Variants in TCF20 observed in about 807,000 individuals in gnomAD.
TCF20 encodes the protein transcription factor 20.
A neutral mutation model predicts 148.6 loss-of-function variants in TCF20; 3 were observed. That is an observed-to-expected ratio of 0.02 (90% CI 0.01 to 0.05). The LOEUF (loss-of-function observed/expected upper bound fraction) is 0.05. Ranked by LOEUF, TCF20 falls within the 10% of genes least tolerant of loss-of-function variation. TCF20 has a pLI of 1.00. For missense variants in TCF20, 2,350 were observed against 2,429.3 expected (o/e 0.97, Z 0.69); for synonymous variants, 1,049 against 909.5 (o/e 1.15, Z -2.76).
At chr22:42,195,500 CTTTTT>C (rs897311922) in intron 2 of TCF20, among the ~76,000 whole-genome samples, 2 of 141,688 alleles carry the variant, frequency 1.4e-5, no homozygotes, top group Admixed American at 7.1e-5. Context: ...ATATTACATA[CTTTTT>C]TTTTTTTTTT....
intron 2 of TCF20, among the ~76,000 whole-genome samples, chr22:42,201,932 CTTT>C (rs941724081): frequency 1.3e-5 from 2 of 152,088 alleles, no homozygotes; most frequent in African/African-American, 4.8e-5. Flanking sequence ...TGCCTTCTGT[CTTT>C]TGAGAGATAT....
intron 1 of TCF20, among the ~76,000 whole-genome samples, chr22:42,217,248 G>A (rs964785841): frequency 1.3e-5 from 2 of 152,058 alleles, no homozygotes; most frequent in Non-Finnish European, 2.9e-5. Context: ...CCTTGTTCCT[G>A]GAACAGGCCT....
upstream of TCF20, among the ~76,000 whole-genome samples, chr22:42,272,386 T>C (rs972885792): frequency 3.3e-5 from 5 of 152,210 alleles, no homozygotes; most frequent in Admixed American, 1.3e-4. Flanking sequence ...CTTAATTTCT[T>C]GAGAGAATTC....
intron 1 of TCF20, among the ~76,000 whole-genome samples, chr22:42,227,418 T>G (rs1367337319): frequency 6.6e-6 from 1 of 152,222 alleles, no homozygotes; most frequent in Non-Finnish European, 1.5e-5. Context: ...CTGACCCCTT[T>G]GAGAGCAGGC....
At chr22:42,287,767 G>A (rs148382474), upstream of TCF20, among the ~76,000 whole-genome samples, 37 of 152,076 alleles carry the variant, frequency 2.4e-4, no homozygotes, top group Middle Eastern at 6.8e-3. Context: ...TTCAAAGGCC[G>A]TTACATTGCT....
chr22:42,221,218 G>A (rs539274161), intron 1 of TCF20, among the ~76,000 whole-genome samples: 4 of 152,248 alleles, frequency 2.6e-5, no homozygotes, highest in South Asian at 2.1e-4. Context: ...GATTCATAGC[G>A]GCTTCCCCAT....
Position 42,209,499 on chromosome 22 carries a change from C to T in TCF20, c.5655+152G>A, listed in dbSNP as rs371604007. 2 of 896,294 alleles carry T rather than the reference C, an allele frequency of 2.2e-6. 1 individual carries two copies. The highest frequency in any genetic ancestry group is 3.8e-5 in the South Asian group (2 of 52,838). The allele number at this position is 896,294 out of a possible 1,614,324, so 55.5% of individuals were successfully genotyped here. A position where few individuals can be genotyped will look rare whatever the true frequency, so the allele number is the denominator to read the frequency against. On this transcript the variant is annotated intron_variant, in intron 2 of 5. Transcript: ENST00000677622. ...GATTTTAGAAGTCTATACAAATCTT[C>T]CAAATTACCTATTTCATTTTCTGTC...
chr22:42,243,244 G>A (rs1325856590), intron 1 of TCF20, among the ~76,000 whole-genome samples: 3 of 130,006 alleles, frequency 2.3e-5, no homozygotes, highest in African/African-American at 5.6e-5. Context: ...AGGTTACTGC[G>A]AGCTATGATT....
chr22:42,255,215 T>C (rs134867), intron 1 of TCF20, among the ~76,000 whole-genome samples: 82,046 of 151,928 alleles, frequency 0.54, 23,360 homozygotes, highest in East Asian at 0.64. Flanking sequence ...TGGCTGGGCA[T>C]GGTGCTCATG....
At chr22:42,276,627 T>C (rs1304626965) in intron 1 of TCF20, 2 of 152,244 alleles carry the variant, frequency 1.3e-5, no homozygotes, top group Admixed American at 6.5e-5. Flanking sequence ...AGCTGGATGC[T>C]GCCTTCTCAA....
intron 1 of TCF20, among the ~76,000 whole-genome samples, chr22:42,311,441 C>T (rs1031658173): frequency 2.0e-5 from 3 of 152,192 alleles, no homozygotes; most frequent in African/African-American, 7.2e-5. Context: ...GGGATCAAAT[C>T]AGCCTCTAGA....
chr22:42,271,175 G>A (rs1304523983), upstream of TCF20, among the ~76,000 whole-genome samples: 1 of 152,236 alleles, frequency 6.6e-6, no homozygotes, highest in Non-Finnish European at 1.5e-5. Flanking sequence ...GACCTAGCTG[G>A]TCCCGCCTGG....
intron 5 of TCF20, among the ~76,000 whole-genome samples, chr22:42,166,156 A>G (rs1005716191): frequency 6.6e-6 from 1 of 152,242 alleles, no homozygotes; most frequent in African/African-American, 2.4e-5. Flanking sequence ...CACATAAAAA[A>G]CATTTCAGAT....
intron 1 of TCF20, among the ~76,000 whole-genome samples, chr22:42,293,032 G>A (rs931559721): frequency 2.0e-5 from 3 of 152,018 alleles, no homozygotes; most frequent in Admixed American, 6.5e-5. Context: ...AGGCAGGGCA[G>A]GATACAAAGC....
chr22:42,265,333 G>A (rs1416168555), intron 1 of TCF20, among the ~76,000 whole-genome samples: 1 of 152,052 alleles, frequency 6.6e-6, no homozygotes, highest in Non-Finnish European at 1.5e-5. Flanking sequence ...TTTTTGGACA[G>A]GATCTTGCTC....
At chr22:42,285,086 G>A (rs1201353839), upstream of TCF20, among the ~76,000 whole-genome samples, 1 of 152,200 alleles carries the variant, frequency 6.6e-6, no homozygotes, top group African/African-American at 2.4e-5. This position sits in a 1 kb window ranked among gnomAD's most constrained non-coding sequence, Gnocchi z 4.2. Flanking sequence ...GGCCATGCTC[G>A]CTTCAGCCTG....
intron 4 of TCF20, among the ~76,000 whole-genome samples, chr22:42,169,594 G>C (rs1251591309): frequency 6.6e-6 from 1 of 152,156 alleles, no homozygotes; most frequent in East Asian, 1.9e-4. Context: ...TTAATGAACA[G>C]ACAAACACCC....
At chr22:42,234,569 A>G (rs1275936649) in intron 1 of TCF20, among the ~76,000 whole-genome samples, 1 of 152,192 alleles carries the variant, frequency 6.6e-6, no homozygotes, top group Non-Finnish European at 1.5e-5. Flanking sequence ...CCACAATTCC[A>G]AAATACCAAG....
At position 42,211,063 on chromosome 22, in the gene TCF20, C is replaced by A; in HGVS notation, c.4243G>T (p.Asp1415Tyr). 2 of 1,614,120 alleles carry A rather than the reference C, an allele frequency of 1.2e-6. No individual in the cohort carries two copies. The highest frequency in any genetic ancestry group is 1.7e-6 in the Non-Finnish European group (2 of 1,180,026). ...IEKRKGEVASDLVSPANQELH... is the reference protein window; with the variant it reads ...IEKRKGEVASYLVSPANQELH... ...TCCTGGTTTGCTGGACTGACTAGGT[C>A]CGAAGCCACCTCACCTTTTCTCTTC... The change falls in exon 2 of 6, where the codon GAC becomes TAC. Residue 1415 changes from aspartate to tyrosine, a missense_variant. By Grantham distance (160) the Asp-to-Tyr change is radical (BLOSUM62 -3). Around this residue, in one of 7 missense-constraint regions of TCF20, gnomAD observed 231 missense variants for 213.7 expected, o/e 1.08. Transcript: ENST00000677622.
Sources: allele counts gnomAD v4.1 joint callset (sites outside exome capture counted in the v4.1 genomes callset), GRCh38; gene constraint gnomAD v4.1.1; regional missense constraint gnomAD v4.1.1; non-coding constraint Gnocchi (gnomAD v3.1); transcripts MANE v1.5; gene names NCBI Gene and HGNC (gene_info 2026-07-23, HGNC 2026-07-21).